PHACTR1: variants seen among roughly 807,000 people sequenced by gnomAD.
The protein encoded by PHACTR1 is RPEL repeat containing 1.
In PHACTR1, 16 loss-of-function variants were observed where a neutral mutation model predicts 69.2. The observed-to-expected ratio is 0.23, with a 90% confidence interval of 0.16 to 0.35. The LOEUF is 0.35. Ranked by LOEUF, PHACTR1 falls within the 10% of genes least tolerant of loss-of-function variation. The pLI, the probability that PHACTR1 is intolerant of heterozygous loss-of-function variation, is 1.00. For synonymous variants in PHACTR1, 312 were observed against 284.5 expected (o/e 1.10, Z -0.97); for missense variants, 510 against 734.7 (o/e 0.69, Z 3.54).
chr6:13,011,772 C>T (rs1304382603), intron 4 of PHACTR1, among the ~76,000 whole-genome samples: 1 of 152,208 alleles, frequency 6.6e-6, no homozygotes, highest in Non-Finnish European at 1.5e-5. Flanking sequence ...TACACAACCT[C>T]CTCTTTTCAG....
intron 4 of PHACTR1, among the ~76,000 whole-genome samples, chr6:12,946,700 G>T (rs563592097): frequency 6.6e-6 from 1 of 151,882 alleles, no homozygotes; most frequent in African/African-American, 2.4e-5. Flanking sequence ...CTTAGAGTAA[G>T]TGGTATTGCA....
chr6:13,085,596 A>G (rs1198101979), intron 5 of PHACTR1, among the ~76,000 whole-genome samples: 2 of 152,128 alleles, frequency 1.3e-5, no homozygotes, highest in East Asian at 1.9e-4. Context: ...TATATACAGC[A>G]TAAGTTGGCA....
intron 4 of PHACTR1, among the ~76,000 whole-genome samples, chr6:12,832,544 A>G (rs1294413930): frequency 6.6e-6 from 1 of 152,082 alleles, no homozygotes; most frequent in African/African-American, 2.4e-5. Context: ...TTTTTTTTCA[A>G]CCTGGCCTTG....
chr6:12,884,744 ATCAT>A (rs1050088120), intron 4 of PHACTR1, among the ~76,000 whole-genome samples: 1 of 152,028 alleles, frequency 6.6e-6, no homozygotes, highest in Non-Finnish European at 1.5e-5. Context: ...GCATCAATGC[ATCAT>A]TCATTCATTC....
intron 4 of PHACTR1, among the ~76,000 whole-genome samples, chr6:12,951,384 T>C (rs1274900665): frequency 1.3e-5 from 2 of 152,182 alleles, no homozygotes; most frequent in Non-Finnish European, 2.9e-5. Context: ...AAGATCTCCA[T>C]ACAAAGACCC....
chr6:12,972,679 T>A (rs1172650907), intron 4 of PHACTR1, among the ~76,000 whole-genome samples: 1 of 141,976 alleles, frequency 7.0e-6, no homozygotes, highest in Non-Finnish European at 1.5e-5. Flanking sequence ...TGAGACAGAG[T>A]CTCACTCTGT....
intron 4 of PHACTR1, among the ~76,000 whole-genome samples, chr6:12,939,808 T>C (rs1789877444): frequency 6.6e-6 from 1 of 152,122 alleles, no homozygotes. Context: ...AATGCCAAAC[T>C]GTTTCTTGTT....
intron 6 of PHACTR1, 46 bp downstream of exon 6, chr6:13,160,330 G>GCA: frequency 6.7e-7 from 1 of 1,498,760 alleles, no homozygotes; most frequent in Non-Finnish European, 9.3e-7. Flanking sequence ...AGTCATGCGT[G>GCA]GAATCTGCAT....
At chr6:12,985,541 A>AATATATATATAT (rs70989819) in intron 4 of PHACTR1, among the ~76,000 whole-genome samples, 18 of 132,756 alleles carry the variant, frequency 1.4e-4, no homozygotes, top group African/African-American at 4.6e-4. Context: ...AAAAAAAAAA[A>AATATATATATAT]ATATATATAT....
intron 5 of PHACTR1, among the ~76,000 whole-genome samples, chr6:13,128,234 AAC>A (rs1200838310): frequency 2.0e-4 from 1 of 5,030 alleles, no homozygotes; most frequent in African/African-American, 2.6e-4. Flanking sequence ...AGTATGATAA[AAC>A]AGTGTTCTGT....
At chr6:12,868,283 A>G (rs1163430667) in intron 4 of PHACTR1, among the ~76,000 whole-genome samples, 1 of 147,658 alleles carries the variant, frequency 6.8e-6, no homozygotes, top group Non-Finnish European at 1.5e-5. Context: ...AAAAAAGTTC[A>G]GGTGCTGACC....
chr6:12,953,060 T>C (rs1791474494), intron 4 of PHACTR1, among the ~76,000 whole-genome samples: 1 of 152,112 alleles, frequency 6.6e-6, no homozygotes, highest in African/African-American at 2.4e-5. Flanking sequence ...TGGTGGCTCA[T>C]GCCTGTAATC....
intron 5 of PHACTR1, among the ~76,000 whole-genome samples, chr6:13,140,317 G>T (rs1822240158): frequency 6.8e-6 from 1 of 146,514 alleles, no homozygotes; most frequent in Non-Finnish European, 1.5e-5. Context: ...CAGTATCTCG[G>T]AGAGAGAGAT....
intron 4 of PHACTR1, among the ~76,000 whole-genome samples, chr6:12,990,011 G>C (rs1796633247): frequency 6.6e-6 from 1 of 152,096 alleles, no homozygotes; most frequent in South Asian, 2.1e-4. Flanking sequence ...TCTGAGCATG[G>C]GAACATGATG....
At chr6:13,193,381 A>ATATATATATATATATATATATG (rs1332180085) in intron 7 of PHACTR1, among the ~76,000 whole-genome samples, 3 of 136,556 alleles carry the variant, frequency 2.2e-5, no homozygotes, top group Non-Finnish European at 4.8e-5. Context: ...ATATATATAT[A>ATATATATATATATATATATATG]TATAGTTTTG....
At chr6:12,914,778 G>T (rs1335598671) in intron 4 of PHACTR1, among the ~76,000 whole-genome samples, 1 of 152,138 alleles carries the variant, frequency 6.6e-6, no homozygotes, top group Non-Finnish European at 1.5e-5. Flanking sequence ...CTATAAAGAG[G>T]ACTCTTAAGG....
chr6:13,199,292 C>T (rs1396072363), intron 7 of PHACTR1, among the ~76,000 whole-genome samples: 1 of 139,176 alleles, frequency 7.2e-6, no homozygotes, highest in Non-Finnish European at 1.5e-5. Context: ...GAGGCTAAAG[C>T]AGAATTGCTT....
intron 4 of PHACTR1, among the ~76,000 whole-genome samples, chr6:12,892,616 CA>C (rs1784271581): frequency 6.6e-6 from 1 of 152,122 alleles, no homozygotes; most frequent in African/African-American, 2.4e-5. Context: ...TCAAGCAGAG[CA>C]AAAACATTGG....
chr6:13,206,414 A>G (rs919284481), intron 8 of PHACTR1, among the ~76,000 whole-genome samples: 4 of 152,244 alleles, frequency 2.6e-5, no homozygotes, highest in African/African-American at 9.6e-5. Context: ...CCTCAGTGTC[A>G]TTAGTAGGTT....
Sources: allele counts gnomAD v4.1 joint callset (sites outside exome capture counted in the v4.1 genomes callset), GRCh38; gene constraint gnomAD v4.1.1; transcripts MANE v1.5; gene names NCBI Gene and HGNC (gene_info 2026-07-23, HGNC 2026-07-21).